ZNF8: variants seen among roughly 807,000 people sequenced by gnomAD.
ZNF8 encodes the protein zinc finger protein 8.
A neutral mutation model predicts 12.2 loss-of-function variants in ZNF8; 9 were observed. That is an observed-to-expected ratio of 0.73 (90% confidence interval 0.44 to 1.28). ZNF8 has a LOEUF of 1.28. ZNF8 is among the 50% of genes most tolerant of loss of function. The probability of loss-of-function intolerance (pLI) is 0.00; values close to 1 mark genes in which losing one functional copy is unlikely to be tolerated. For synonymous variants in ZNF8, 274 were observed against 282.3 expected (o/e 0.97, Z 0.30); for missense variants, 664 against 729.1 (o/e 0.91, Z 1.03).
Position 58,278,969 on chromosome 19 carries a change from G to C in ZNF8, c.-113G>C, listed in dbSNP as rs898622134. ...TACTGGGAGTTGTAGTCGCCGCGTC[G>C]CCGGTGCGGCCGCCATTGTCCGGCG... is the stretch of plus-strand genomic sequence containing the variant. On this transcript the variant is annotated 5_prime_UTR_variant, in exon 1 of 4. Coordinates refer to ENST00000621650, the MANE Select transcript of ZNF8 (RefSeq NM_021089.3). 6 of 1,270,028 alleles carry C rather than the reference G, an allele frequency of 4.7e-6. No individual in the cohort carries two copies. The highest frequency in any genetic ancestry group is 3.5e-5 in the Admixed American group (1 of 28,326). The allele number at this position is 1,270,028 out of a possible 1,614,324, so 78.7% of individuals were successfully genotyped here.
intron 1 of ZNF8, 76 bp downstream of exon 1, chr19:58,279,223 CG>C (rs2147951692): frequency 6.5e-7 from 1 of 1,537,162 alleles, no homozygotes; most frequent in Non-Finnish European, 8.7e-7. Context: ...TTTCACCTCG[CG>C]GCGCGATGAG....
chr19:58,282,544 C>G (rs2051356779), intron 1 of ZNF8, among the ~76,000 whole-genome samples: 1 of 152,118 alleles, frequency 6.6e-6, no homozygotes, highest in South Asian at 2.1e-4. Flanking sequence ...TCTAAGAATC[C>G]CTTGCCAAAT....
At chr19:58,282,195 A>T (rs1486431164) in intron 1 of ZNF8, among the ~76,000 whole-genome samples, 2 of 152,158 alleles carry the variant, frequency 1.3e-5, no homozygotes, top group Non-Finnish European at 2.9e-5. Context: ...CTGGTGGTGT[A>T]TAGTTTTGAT....
intron 1 of ZNF8, chr19:58,279,934 T>A (rs2051338885): frequency 9.0e-7 from 1 of 1,113,544 alleles, no homozygotes; most frequent in African/African-American, 1.6e-5. Context: ...TATTTCAGAT[T>A]TGGTACACAA....
In ZNF8 at chr19:58,294,160, C is replaced by T; in HGVS notation, c.352C>T (p.Pro118Ser). 2 of 1,613,772 alleles carry T rather than the reference C, an allele frequency of 1.2e-6. No individual in the cohort carries two copies. Among genetic ancestry groups the T allele is most frequent in the Non-Finnish European group, 1.7e-6 (2 of 1,179,698 alleles). Residue 118 changes from proline to serine, a missense_variant, in exon 4 of 4, where the codon CCA becomes TCA. Pro to Ser is a moderately conservative substitution (Grantham distance 74, BLOSUM62 -1). Coordinates refer to ENST00000621650, the MANE Select transcript of ZNF8 (RefSeq NM_021089.3). The surrounding 1 kb of genome is among the most constrained non-coding windows in gnomAD (Gnocchi z 5.5). ...GGAAGAGGGCCTGCCTGAAGAGGAG[C>T]CATCCCATGTCACGGGAAGGGAAGG... ...RKEEGLPEEEPSHVTGREGFP... is the reference protein window; with the variant it reads ...RKEEGLPEEESSHVTGREGFP...
chr19:58,287,616 G>A (rs183405337), intron 3 of ZNF8, among the ~76,000 whole-genome samples: 12 of 147,062 alleles, frequency 8.2e-5, no homozygotes, highest in African/African-American at 3.0e-4. Flanking sequence ...TGGGATTACA[G>A]GTATCAGCCA....
At chr19:58,292,567 C>T (rs890304979) in intron 3 of ZNF8, among the ~76,000 whole-genome samples, 7 of 152,166 alleles carry the variant, frequency 4.6e-5, no homozygotes, top group African/African-American at 1.2e-4. Flanking sequence ...ACATTCAGTC[C>T]ATAGCAGTCA....
intron 3 of ZNF8, among the ~76,000 whole-genome samples, chr19:58,292,277 CATTT>C (rs2051424374): frequency 6.6e-6 from 1 of 152,144 alleles, no homozygotes; most frequent in African/African-American, 2.4e-5. Context: ...GTACAACAGA[CATTT>C]ATTTCTCACG....
intron 1 of ZNF8, chr19:58,280,049 C>A (rs2051339835): frequency 5.2e-6 from 2 of 382,982 alleles, no homozygotes; most frequent in Non-Finnish European, 4.7e-6. Flanking sequence ...GGATGGGGGA[C>A]AAGGAATGAG....
intron 3 of ZNF8, among the ~76,000 whole-genome samples, chr19:58,290,727 C>T (rs1030364116): frequency 6.6e-6 from 1 of 152,036 alleles, no homozygotes; most frequent in African/African-American, 2.4e-5. Context: ...CACCACTGCA[C>T]TCCAGGCTGA....
intron 1 of ZNF8, among the ~76,000 whole-genome samples, chr19:58,283,404 G>C (rs374534845): frequency 6.6e-6 from 1 of 152,192 alleles, no homozygotes; most frequent in African/African-American, 2.4e-5. Flanking sequence ...TTTAGGATTA[G>C]ATAAGGTTAT....
At chr19:58,293,373 T>G (rs1190131986) in intron 3 of ZNF8, among the ~76,000 whole-genome samples, 1 of 152,224 alleles carries the variant, frequency 6.6e-6, no homozygotes, top group East Asian at 1.9e-4. Context: ...CAGCATTCAC[T>G]GAGAGATATT....
intron 3 of ZNF8, among the ~76,000 whole-genome samples, chr19:58,287,840 T>C (rs2051393387): frequency 6.8e-6 from 1 of 146,114 alleles, no homozygotes; most frequent in Non-Finnish European, 1.5e-5. Flanking sequence ...TTTTACTTTT[T>C]TTCTTTTTTT....
At chr19:58,286,440 C>A in intron 3 of ZNF8, 1 of 427,802 alleles carries the variant, frequency 2.3e-6, no homozygotes, top group East Asian at 4.2e-5. Context: ...AGAGTCCCCT[C>A]ACTGTGGAGT....
intron 2 of ZNF8, 42 bp from the exon 3 acceptor site, chr19:58,286,068 C>T (rs747092343): frequency 2.2e-5 from 35 of 1,590,934 alleles, no homozygotes; most frequent in Non-Finnish European, 3.0e-5. Flanking sequence ...TTGTTTCTCT[C>T]CTGAGCAGCC....
intron 3 of ZNF8, among the ~76,000 whole-genome samples, chr19:58,287,027 G>A (rs1248060803): frequency 2.6e-5 from 4 of 152,012 alleles, no homozygotes; most frequent in African/African-American, 9.7e-5. Context: ...ATTCTTGCAT[G>A]TCCAGATTCT....
intron 1 of ZNF8, among the ~76,000 whole-genome samples, chr19:58,282,732 A>G (rs1426612697): frequency 1.3e-5 from 2 of 151,864 alleles, no homozygotes; most frequent in African/African-American, 4.8e-5. Context: ...GGTTCAAGCA[A>G]TTCTCCTGCC....
At position 58,295,534 on chromosome 19, in the gene ZNF8, T is replaced by C. The variant is rs2051449207; in HGVS notation, c.1726T>C (p.Ter576GlnextTer9). ...GTTATTTGACATCAGAGAATCCACA[T>C]AGGAGAGAAACTTTGCTGATGACTT... is the stretch of plus-strand genomic sequence containing the variant. ...SMLFDIREST* is the reference protein window; with the variant it reads ...SMLFDIRESTQ The change falls in exon 4 of 4, where the codon TAG becomes CAG. Residue 576 changes from the stop codon to glutamine, a stop_lost. Transcript: ENST00000621650. 3.1e-6 allele frequency: 5 copies of C among 1,590,562 alleles called. No individual in the cohort carries two copies. The highest frequency in any genetic ancestry group is 1.4e-5 in the African/African-American group (1 of 73,704).
intron 1 of ZNF8, among the ~76,000 whole-genome samples, chr19:58,285,490 T>C (rs1031651315): frequency 4.6e-5 from 7 of 152,240 alleles, no homozygotes; most frequent in African/African-American, 1.7e-4. Flanking sequence ...AGGTCAGCTC[T>C]GCCTGGCGTT....
Sources: allele counts gnomAD v4.1 joint callset (sites outside exome capture counted in the v4.1 genomes callset), GRCh38; gene constraint gnomAD v4.1.1; non-coding constraint Gnocchi (gnomAD v3.1); transcripts MANE v1.5; gene names NCBI Gene and HGNC (gene_info 2026-07-23, HGNC 2026-07-21).